Variants in CCDC33 observed in about 807,000 individuals in gnomAD.
CCDC33 encodes coiled-coil domain containing 33.
CCDC33 carries 94 observed loss-of-function variants against 91.9 expected under a neutral mutation model. The observed-to-expected ratio is 1.02, with a 90% confidence interval of 0.87 to 1.21. The LOEUF (loss-of-function observed/expected upper bound fraction) is 1.21, where lower values mean the gene tolerates loss of function less well. Among genes scored for constraint, CCDC33 ranks in the 50% most tolerant of loss-of-function variants. The pLI is 0.00. For synonymous variants in CCDC33, 396 were observed against 374.5 expected (o/e 1.06, Z -0.66); for missense variants, 940 against 935.5 (o/e 1.00, Z -0.06).
intron 11 of CCDC33, among the ~76,000 whole-genome samples, chr15:74,327,255 G>A (rs577552856): frequency 7.0e-4 from 107 of 152,212 alleles, no homozygotes; most frequent in African/African-American, 2.4e-3. Flanking sequence ...ACAGGGACGC[G>A]GCCTCACCAG....
intron 10 of CCDC33, among the ~76,000 whole-genome samples, chr15:74,282,683 G>A (rs935096043): frequency 1.3e-5 from 2 of 152,154 alleles, no homozygotes; most frequent in African/African-American, 4.8e-5. Context: ...GTAAAATCTT[G>A]GAGGCCCGTT....
chr15:74,313,511 C>T (rs2060032839), intron 11 of CCDC33, among the ~76,000 whole-genome samples: 1 of 151,292 alleles, frequency 6.6e-6, no homozygotes, highest in Admixed American at 6.6e-5. Flanking sequence ...CTCCGCCTCC[C>T]CGGGTTCAAG....
upstream of CCDC33, among the ~76,000 whole-genome samples, chr15:74,213,770 G>C (rs766756208): frequency 6.6e-6 from 1 of 152,206 alleles, no homozygotes; most frequent in Non-Finnish European, 1.5e-5. Context: ...AAGGGAGTGG[G>C]AAGTGGGCCT....
At chr15:74,330,543 A>G (rs1455080000) in intron 12 of CCDC33, 120 bp from the exon 13 acceptor site, 40 of 1,080,822 alleles carry the variant, frequency 3.7e-5, no homozygotes, top group Non-Finnish European at 9.7e-6. Context: ...TGGGAAACAG[A>G]GAATCCAGTC....
rs1363791261 is a variant in CCDC33 at position 74,264,884 on chromosome 15, A to T, written c.320-1794A>T. On this transcript the variant is annotated intron_variant, in intron 3 of 18. Transcript: ENST00000398814. Reference sequence around the variant, plus strand: ...GTTCAGAGAGGTTAAATTACTTGCTAACAGTCACAGAGCAAGTTAGTATTC... The same window carrying T: ...GTTCAGAGAGGTTAAATTACTTGCTTACAGTCACAGAGCAAGTTAGTATTC... 3.9e-5 allele frequency among the ~76,000 whole-genome samples: 6 copies of T among 152,332 alleles called. No individual in the cohort carries two copies. In the East Asian group the frequency reaches 1.2e-3, roughly 29 times the overall value.
intron 2 of CCDC33, among the ~76,000 whole-genome samples, chr15:74,222,626 G>C (rs370139704): frequency 2.0e-5 from 3 of 149,880 alleles, no homozygotes; most frequent in Non-Finnish European, 4.4e-5. Context: ...ATCACCAAAC[G>C]CCAAGCACCT....
At chr15:74,301,728 G>A (rs1399119148) in intron 11 of CCDC33, 1 of 152,212 alleles carries the variant, frequency 6.6e-6, no homozygotes, top group East Asian at 1.9e-4. Context: ...AAAGGCAGAT[G>A]TGCTCATTTA....
chr15:74,204,940 A>AGAAAG (rs10647648), intron 1 of CCDC33, among the ~76,000 whole-genome samples: 46,950 of 151,668 alleles, frequency 0.31, 8,043 homozygotes, highest in Middle Eastern at 0.45. Flanking sequence ...ATCTCAAAAA[A>AGAAAG]AAAGAAAGAA....
At chr15:74,255,841 C>A (rs932987568) in intron 2 of CCDC33, among the ~76,000 whole-genome samples, 3 of 152,238 alleles carry the variant, frequency 2.0e-5, no homozygotes, top group African/African-American at 7.2e-5. Context: ...GGGATCTGAA[C>A]CCTCCTCCCA....
intron 11 of CCDC33, among the ~76,000 whole-genome samples, chr15:74,313,480 G>A (rs754011932): frequency 2.9e-4 from 41 of 142,668 alleles, no homozygotes; most frequent in Admixed American, 2.9e-4. Flanking sequence ...GTACAGTGGC[G>A]CGATCTCAGC....
At chr15:74,224,630 G>A (rs1035175355) in intron 2 of CCDC33, among the ~76,000 whole-genome samples, 2 of 152,186 alleles carry the variant, frequency 1.3e-5, no homozygotes, top group Non-Finnish European at 2.9e-5. Flanking sequence ...TGATTTAGCA[G>A]CGTTTGACCT....
chr15:74,273,182 G>C (rs2076366522), intron 7 of CCDC33, among the ~76,000 whole-genome samples: 1 of 152,228 alleles, frequency 6.6e-6, no homozygotes. Context: ...CATCAGAGGA[G>C]AAGATACAAA....
At chr15:74,209,065 T>C in intron 1 of CCDC33, 2 of 1,219,924 alleles carry the variant, frequency 1.6e-6, no homozygotes, top group East Asian at 4.3e-5. Context: ...CCTTCTCCAG[T>C]CTGGCTCTGC....
chr15:74,221,375 C>A, intron 2 of CCDC33: 1 of 923,292 alleles, frequency 1.1e-6, no homozygotes, highest in Non-Finnish European at 1.3e-6. Flanking sequence ...AGACCAGGGT[C>A]AGAGCTCAGC....
chr15:74,336,236 C>T, downstream of CCDC33: 1 of 1,430,732 alleles, frequency 7.0e-7, no homozygotes, highest in African/African-American at 1.4e-5. Flanking sequence ...TCTGCTGCAG[C>T]CTTACAGCCT....
Position 74,295,878 on chromosome 15 carries a change from T to A in CCDC33, c.1220T>A (p.Met407Lys). Reference protein sequence around the residue: ...SWSKDTVSSTMDLSTSTPREA... With the variant: ...SWSKDTVSSTKDLSTSTPREA... ...TCCAAGGACACAGTGAGCTCCACAA[T>A]GGACTTGAGCACGTCCACTCCACGA... Residue 407 changes from methionine to lysine, a missense_variant, in exon 11 of 19, where the codon ATG becomes AAG. Transcript: ENST00000398814. The A allele has an allele frequency of 6.2e-7, 1 of 1,614,108 alleles. No individual in the cohort carries two copies. The highest frequency in any genetic ancestry group is 8.5e-7 in the Non-Finnish European group (1 of 1,180,008).
intron 16 of CCDC33, 78 bp from the exon 17 acceptor site, chr15:74,333,803 A>G: frequency 8.2e-7 from 1 of 1,219,460 alleles, no homozygotes; most frequent in Non-Finnish European, 1.2e-6. Flanking sequence ...TTTCTTCCTC[A>G]ATACCTTATG....
At chr15:74,222,585 GA>G (rs1311674825) in intron 2 of CCDC33, among the ~76,000 whole-genome samples, 2 of 149,400 alleles carry the variant, frequency 1.3e-5, no homozygotes, top group Non-Finnish European at 3.0e-5. Context: ...CCCCCAAGGG[GA>G]AAAAAAGGAG....
intron 1 of CCDC33, chr15:74,207,804 A>T: frequency 6.5e-7 from 1 of 1,535,594 alleles, no homozygotes; most frequent in African/African-American, 1.4e-5. Flanking sequence ...GCACACTCAC[A>T]CACACATCCA....
Sources: gnomAD v4.1 joint callset for allele counts (sites outside exome capture counted in the v4.1 genomes callset) on GRCh38, gnomAD v4.1.1 for gene constraint, MANE v1.5 for transcripts, NCBI Gene and HGNC (gene_info 2026-07-23, HGNC 2026-07-21) for gene names.